Variants in HGF observed in about 807,000 individuals in gnomAD.
HGF encodes fibroblast-derived tumor cytotoxic factor.
In HGF, 39 loss-of-function variants were observed where a neutral mutation model predicts 111.6. The ratio of observed to expected loss-of-function variants is 0.35; its 90% confidence interval spans 0.27 to 0.46. The LOEUF is 0.46. Ranked by LOEUF, HGF falls within the 20% of genes least tolerant of loss-of-function variation. HGF has a pLI of 1.00. For synonymous variants in HGF, 285 were observed against 294.8 expected (o/e 0.97, Z 0.34); for missense variants, 735 against 910.5 (o/e 0.81, Z 2.48).
chr7:81,762,397 A>G lies in HGF; in HGVS notation c.254+310T>C, dbSNP rs187271537. Among the ~76,000 whole-genome samples, 498 of 152,352 alleles carry G rather than the reference A, an allele frequency of 3.3e-3. 3 individuals are homozygous for G. The highest frequency in any genetic ancestry group is 6.2e-3 in the Non-Finnish European group (420 of 68,020). ...AAAAAAAAAGTTACTCTGAATAGAT[A>G]TTTTAAAACCCAAAGCCAATTGAAT... On this transcript the variant is annotated intron_variant, in intron 2 of 17. Transcript: ENST00000222390.
At chr7:81,742,867 C>A in intron 7 of HGF, 2 of 1,605,582 alleles carry the variant, frequency 1.2e-6, no homozygotes, top group Non-Finnish European at 8.5e-7. Flanking sequence ...TGATAAACTT[C>A]TATTAGACTC....
At chr7:81,748,553 A>C (rs1364009521) in intron 5 of HGF, among the ~76,000 whole-genome samples, 12 of 152,222 alleles carry the variant, frequency 7.9e-5, no homozygotes. Flanking sequence ...CCATGTATTC[A>C]AGGAAACAGG....
chr7:81,730,770 A>C (rs1408815271), intron 7 of HGF, among the ~76,000 whole-genome samples: 1 of 152,210 alleles, frequency 6.6e-6, no homozygotes, highest in African/African-American at 2.4e-5. Context: ...AACATACATG[A>C]AAATGTTTAT....
intron 11 of HGF, among the ~76,000 whole-genome samples, chr7:81,712,477 T>A (rs1427874860): frequency 6.6e-6 from 1 of 152,086 alleles, no homozygotes; most frequent in Non-Finnish European, 1.5e-5. Context: ...AGTAAAAAAA[T>A]ATGGAAAAAA....
rs749078919 is a variant in HGF, at chr7:81,725,899, G to A, written c.1159C>T (p.His387Tyr). 6.2e-7 allele frequency: 1 copy of A among 1,614,074 alleles called. No individual in the cohort carries two copies. Among genetic ancestry groups the A allele is most frequent in the Non-Finnish European group, 8.5e-7 (1 of 1,179,966 alleles). ...CSQIPNCDMS[H>Y]GQDCYRGNGK... ...GAATGTCAGCTATTACCTTGTCCAT[G>A]TGACATATCACAGTTTGGAATTTGG... The change falls in exon 9 of 18, where the codon CAT (histidine) becomes TAT (tyrosine). Residue 387 changes from histidine to tyrosine, a missense_variant. Around this residue, in one of 3 missense-constraint regions of HGF, gnomAD observed 553 missense variants for 685.6 expected, o/e 0.81. Transcript: ENST00000222390.
intron 11 of HGF, among the ~76,000 whole-genome samples, chr7:81,713,887 A>G (rs1789638201): frequency 1.3e-5 from 2 of 152,090 alleles, no homozygotes; most frequent in African/African-American, 2.4e-5. Flanking sequence ...ACAAAAATAT[A>G]TGTGATACAA....
At chr7:81,711,633 T>G in intron 11 of HGF, 114 bp from the exon 12 acceptor site, 1 of 523,944 alleles carries the variant, frequency 1.9e-6, no homozygotes. Context: ...TTTACTAAAA[T>G]TTTTGTTGTT....
At chr7:81,725,866 A>G in intron 9 of HGF, 24 bp downstream of exon 9, 4 of 1,613,860 alleles carry the variant, frequency 2.5e-6, no homozygotes, top group Non-Finnish European at 3.4e-6. Flanking sequence ...AATCATGCCC[A>G]CCCTGCAGAA....
intron 17 of HGF, among the ~76,000 whole-genome samples, chr7:81,703,921 G>C (rs1789355001): frequency 6.6e-6 from 1 of 151,616 alleles, no homozygotes; most frequent in African/African-American, 2.4e-5. Flanking sequence ...GTTGAGGAAA[G>C]AAAACTGATT....
chr7:81,702,756 C>T lies in HGF; in HGVS notation c.2012G>A (p.Gly671Glu), dbSNP rs770114698. ...AEKIGSGPCE[G>E]DYGGPLVCEQ... ...ACAAACAAGTGGGCCACCATAATCC[C>T]CCTAGGAGTAAGACATACAAAAACA... Residue 671 changes from glycine to glutamate, a missense_variant and splice_region_variant, in exon 18 of 18, where the codon GGG becomes GAG. Physicochemically the swap from Gly to Glu is moderately conservative, Grantham distance 98. Coordinates refer to ENST00000222390, the MANE Select transcript of HGF (RefSeq NM_000601.6). The T allele has an allele frequency of 1.9e-6, 3 of 1,609,734 alleles. No individual in the cohort carries two copies. Among genetic ancestry groups the T allele is most frequent in the African/African-American group, 1.3e-5 (1 of 74,508 alleles).
chr7:81,710,100 C>T (rs1306321225), intron 13 of HGF, 47 bp downstream of exon 13: 2 of 1,273,394 alleles, frequency 1.6e-6, no homozygotes. Context: ...ATAGGACTCT[C>T]TTGTACATAT....
chr7:81,705,747 A>C lies in HGF; in HGVS notation c.1764T>G (p.Ala588=), dbSNP rs531850775. 1 of 1,603,012 alleles carries C rather than the reference A, an allele frequency of 6.2e-7. No homozygotes were observed. Among genetic ancestry groups the C allele is most frequent in the African/African-American group, 1.3e-5 (1 of 74,720 alleles). ...TCGTACTAACAAAATCATCCAGGAC[A>C]GCAGGCCTGAAAACACAAAATACAA... The part of the protein sequence containing the change: ...DLVLMKLARP[A]VLDDFVSTID... Residue 588 remains alanine (A), a synonymous_variant, in exon 16 of 18, where the codon GCT becomes GCG. Coordinates refer to ENST00000222390, the MANE Select transcript of HGF (RefSeq NM_000601.6).
chr7:81,725,224 G>A (rs1056057601), intron 9 of HGF, among the ~76,000 whole-genome samples: 11 of 152,278 alleles, frequency 7.2e-5, no homozygotes, highest in South Asian at 2.1e-4. Flanking sequence ...TTCCTGAAAG[G>A]CTGATGCAAT....
intron 11 of HGF, among the ~76,000 whole-genome samples, chr7:81,712,214 C>T (rs1360199277): frequency 1.3e-5 from 2 of 152,014 alleles, no homozygotes; most frequent in East Asian, 1.9e-4. Flanking sequence ...GAATAGCACT[C>T]GTGTTCATTA....
rs374820505 is a variant in HGF, at chr7:81,711,529, T to C, written c.1406-10A>G. On this transcript the variant is annotated splice_polypyrimidine_tract_variant and intron_variant, in intron 11 of 17. Coordinates refer to ENST00000222390, the MANE Select transcript of HGF (RefSeq NM_000601.6). ...GTGGTATCACCTTCACCTGTAAAAATAAATGTATAGATAAATACACAATTC... is the reference window on the plus strand; with the variant it reads ...GTGGTATCACCTTCACCTGTAAAAACAAATGTATAGATAAATACACAATTC... The C allele has an allele frequency of 1.2e-5, 15 of 1,292,422 alleles. No individual in the cohort carries two copies. Among genetic ancestry groups the C allele is most frequent in the Non-Finnish European group, 1.4e-5 (13 of 903,066 alleles). 80.1% of individuals were successfully genotyped at this position (1,292,422 alleles called of 1,614,324 possible). A position where few individuals can be genotyped will look rare whatever the true frequency, so the allele number is the denominator to read the frequency against.
intron 11 of HGF, among the ~76,000 whole-genome samples, chr7:81,716,701 T>C (rs1458198713): frequency 2.0e-5 from 3 of 152,174 alleles, no homozygotes; most frequent in Non-Finnish European, 4.4e-5. Context: ...AACTTTTACT[T>C]TATACACTAA....
rs958744890 is a variant in HGF, at chr7:81,702,379, A to T, written c.*202T>A. The T allele has an allele frequency of 5.9e-5, 33 of 558,278 alleles. No individual in the cohort carries two copies. The Admixed American group carries it at 1.0e-3, about 17-fold the overall frequency. The allele number at this position is 558,278 out of a possible 1,614,324, so 34.6% of individuals were successfully genotyped here. On this transcript the variant is annotated 3_prime_UTR_variant, in exon 18 of 18. Transcript: ENST00000222390. ...TGTTATTACACTTGCATGTACCTTA[A>T]TTCACTTCAACATTGACAAAATAAC...
intron 5 of HGF, chr7:81,751,138 A>G: frequency 4.5e-6 from 4 of 897,432 alleles, no homozygotes; most frequent in Non-Finnish European, 5.3e-6. Flanking sequence ...TATTAAATGA[A>G]TATTTATGGA....
chr7:81,740,688 T>C (rs1025751347), intron 7 of HGF, among the ~76,000 whole-genome samples: 1 of 152,180 alleles, frequency 6.6e-6, no homozygotes, highest in African/African-American at 2.4e-5. Flanking sequence ...TGCCATATTG[T>C]AGAGAGGGTT....
Sources: gnomAD v4.1 joint callset for allele counts (sites outside exome capture counted in the v4.1 genomes callset) on GRCh38, gnomAD v4.1.1 for gene constraint, gnomAD v4.1.1 regional missense constraint, MANE v1.5 for transcripts, NCBI Gene and HGNC (gene_info 2026-07-23, HGNC 2026-07-21) for gene names.